GSKIP: variants seen among roughly 807,000 people sequenced by gnomAD.
GSKIP encodes the protein GSK3B interacting protein, also known as GSK3B-interacting protein.
Under a neutral mutation model 11.9 loss-of-function variants are expected in GSKIP, and 5 were observed. The ratio of observed to expected loss-of-function variants is 0.42; its 90% CI spans 0.22 to 0.89. GSKIP has a LOEUF of 0.89. Among genes scored for constraint, GSKIP ranks in the 40% least tolerant of loss-of-function variants. GSKIP has a pLI of 0.29. For synonymous variants in GSKIP, 70 were observed against 62.9 expected (o/e 1.11, Z -0.54); for missense variants, 150 against 166.6 (o/e 0.90, Z 0.55).
rs1343897589 is a variant in GSKIP at position 96,385,899 on chromosome 14, CATT to C, written c.*217_*219del. 4.3e-6 allele frequency: 2 copies of C among 470,028 alleles called. No individual in the cohort carries two copies. Among genetic ancestry groups the C allele is most frequent in the South Asian group, 5.2e-5 (2 of 38,748 alleles). The allele number at this position is 470,028 out of a possible 1,614,324, so 29.1% of individuals were successfully genotyped here. A position where few individuals can be genotyped will look rare whatever the true frequency, so the allele number is the denominator to read the frequency against. Reference sequence around the variant, plus strand: ...TCTGAGGCCGTTGCTATGATACCATCATTAAGACATTCACATGTCTTCATATAA... The same window carrying C: ...TCTGAGGCCGTTGCTATGATACCATCAAGACATTCACATGTCTTCATATAA... On this transcript the variant is annotated 3_prime_UTR_variant, in exon 4 of 4. Coordinates refer to ENST00000555181, the MANE Select transcript of GSKIP (RefSeq NM_016472.5).
intron 2 of GSKIP, among the ~76,000 whole-genome samples, chr14:96,381,388 T>C (rs938985709): frequency 6.6e-6 from 1 of 152,226 alleles, no homozygotes; most frequent in Non-Finnish European, 1.5e-5. Flanking sequence ...TGGCTATCCA[T>C]TTGGAAAATA....
At chr14:96,371,229 C>G (rs1301436388) in intron 1 of GSKIP, among the ~76,000 whole-genome samples, 6 of 152,092 alleles carry the variant, frequency 3.9e-5, no homozygotes, top group Non-Finnish European at 8.8e-5. Flanking sequence ...CAGATAAATT[C>G]AGAACTCTTG....
At chr14:96,374,989 TATG>T (rs1405589331) in intron 1 of GSKIP, among the ~76,000 whole-genome samples, 9 of 152,158 alleles carry the variant, frequency 5.9e-5, no homozygotes, top group South Asian at 2.1e-4. Context: ...ATAATAACAT[TATG>T]ATGAAGTTTA....
Position 96,378,859 on chromosome 14 carries a change from TGC to T in GSKIP, c.-102-828_-102-827del, listed in dbSNP as rs1889271964. 2.0e-5 allele frequency: 3 copies of T among 152,244 alleles called. 1 individual carries two copies. In the South Asian group the frequency reaches 6.2e-4, roughly 31 times the overall value. 9.4% of individuals were successfully genotyped at this position (152,244 alleles called of 1,614,324 possible). ...TTTGTTGGCTCCGATAACTGAAAAGTGCAAATCCTGGGAAACCAGCATGGGCT... is the reference window on the plus strand; with the variant it reads ...TTTGTTGGCTCCGATAACTGAAAAGTAAATCCTGGGAAACCAGCATGGGCT... On this transcript the variant is annotated intron_variant, in intron 1 of 3. Transcript: ENST00000555181.
chr14:96,384,767 C>A (rs1010200850), intron 3 of GSKIP: 1 of 151,980 alleles, frequency 6.6e-6, no homozygotes, highest in African/African-American at 2.4e-5. Flanking sequence ...CCATTAACTT[C>A]ACACATCGAC....
At position 96,365,613 on chromosome 14, in the gene GSKIP, T is replaced by G. The variant is rs375957695; in HGVS notation, c.-103+2045T>G. On this transcript the variant is annotated intron_variant, in intron 1 of 3. Transcript: ENST00000555181. ...TGGGAGGCCGAGGTGGGCGGATCAC[T>G]TGAGGTCAGGAGTTCAAGACTAGCA... Among the ~76,000 whole-genome samples the G allele has an allele frequency of 9.7e-3, 1,473 of 151,948 alleles. 37 individuals carry two copies. Among genetic ancestry groups the G allele is most frequent in the South Asian group, 0.042 (202 of 4,808 alleles).
intron 1 of GSKIP, among the ~76,000 whole-genome samples, chr14:96,366,291 C>T (rs1398421474): frequency 6.7e-6 from 1 of 148,530 alleles, no homozygotes. Context: ...TTTCCTTTTT[C>T]AATATAGAAT....
At position 96,385,559 on chromosome 14, in the gene GSKIP, T is replaced by C. The variant is rs1251698503; in HGVS notation, c.295T>C (p.Leu99=). The C allele has an allele frequency of 6.2e-7, 1 of 1,612,798 alleles. No individual in the cohort carries two copies. The highest frequency in any genetic ancestry group is 1.7e-5 in the Admixed American group (1 of 59,982). Residue 99 remains leucine (L), a synonymous_variant, in exon 4 of 4, where the codon TTA becomes CTA. Coordinates refer to ENST00000555181, the MANE Select transcript of GSKIP (RefSeq NM_016472.5). The part of the protein sequence containing the change: ...GYAFDQVDDH[L]QTPYHETVYS... The stretch of plus-strand genomic sequence containing the variant: ...TGCTTTTGACCAGGTAGATGATCAT[T>C]TACAGACTCCCTACCATGAAACAGT...
At chr14:96,368,007 G>A (rs1888939440) in intron 1 of GSKIP, among the ~76,000 whole-genome samples, 2 of 151,704 alleles carry the variant, frequency 1.3e-5, no homozygotes, top group African/African-American at 4.8e-5. Flanking sequence ...TTGTTAGAAT[G>A]TACTTTAAAT....
intron 3 of GSKIP, among the ~76,000 whole-genome samples, chr14:96,383,940 TAGA>T (rs1889416895): frequency 6.6e-6 from 1 of 152,112 alleles, no homozygotes; most frequent in African/African-American, 2.4e-5. Context: ...TGTGGAGAGG[TAGA>T]AGGAGTTCTG....
Position 96,381,980 on chromosome 14 carries a change from A to G in GSKIP, c.-1-267A>G, listed in dbSNP as rs116684520. Among the ~76,000 whole-genome samples, 956 of 152,336 alleles carry G rather than the reference A, an allele frequency of 6.3e-3. 14 individuals are homozygous for G. Among genetic ancestry groups the G allele is most frequent in the African/African-American group, 0.022 (905 of 41,572 alleles). On this transcript the variant is annotated intron_variant, in intron 2 of 3. Coordinates refer to ENST00000555181, the MANE Select transcript of GSKIP (RefSeq NM_016472.5). ...TTATTCAAAATAGCTAAAAAACACA[A>G]TATTCTAAATGCTTATCAATATGGA...
At position 96,385,569 on chromosome 14, in the gene GSKIP, C is replaced by A. The variant is rs1354192277; in HGVS notation, c.305C>A (p.Pro102His). 6.2e-7 allele frequency: 1 copy of A among 1,612,010 alleles called. No homozygotes were observed. Among genetic ancestry groups the A allele is most frequent in the African/African-American group, 1.3e-5 (1 of 74,710 alleles). ...FDQVDDHLQT[P>H]YHETVYSLLD... ...CAGGTAGATGATCATTTACAGACTC[C>A]CTACCATGAAACAGTCTACTCCTTG... The change falls in exon 4 of 4, where the codon CCC becomes CAC. Residue 102 changes from proline (P) to histidine (H), a missense_variant. Transcript: ENST00000555181.
rs564622725 is a variant in GSKIP, at chr14:96,365,843, A to G, written c.-103+2275A>G. ...AGTGAGACTCTATCTTAAAAAAATA[A>G]AAAGAACTTTGGCCTTTACTCTGGG... On this transcript the variant is annotated intron_variant, in intron 1 of 3. Coordinates refer to ENST00000555181, the MANE Select transcript of GSKIP (RefSeq NM_016472.5). 9.9e-5 allele frequency among the ~76,000 whole-genome samples: 15 copies of G among 152,038 alleles called. No homozygotes were observed. In the South Asian group the frequency reaches 2.9e-3, roughly 29 times the overall value.
rs188301635 is a variant in GSKIP, at chr14:96,378,070, T to C, written c.-102-1618T>C. On this transcript the variant is annotated intron_variant, in intron 1 of 3. Transcript: ENST00000555181. ...ATCAAATGTGTTCACTGAAAATAAA[T>C]TATGGCCAAGCGCAGTGGCTCACAC... Among the ~76,000 whole-genome samples, 20 of 152,260 alleles carry C rather than the reference T, an allele frequency of 1.3e-4. No homozygotes were observed. The East Asian group carries it at 3.1e-3, about 23-fold the overall frequency.
intron 3 of GSKIP, among the ~76,000 whole-genome samples, chr14:96,384,471 T>C (rs1238746257): frequency 6.6e-6 from 1 of 152,122 alleles, no homozygotes; most frequent in African/African-American, 2.4e-5. Flanking sequence ...CATAAAAATT[T>C]AGGATTTATA....
rs1303265554 is a variant in GSKIP at position 96,363,546 on chromosome 14, A to C, written c.-125A>C. Reference sequence around the variant, plus strand: ...GCTCCAGTCGCCTCCGGAGGAAGGAAGAAGAGGACGCCGGGCGCGCAGGTG... The same window carrying C: ...GCTCCAGTCGCCTCCGGAGGAAGGACGAAGAGGACGCCGGGCGCGCAGGTG... On this transcript the variant is annotated 5_prime_UTR_variant, in exon 1 of 4. Transcript: ENST00000555181. The C allele has an allele frequency of 1.3e-5, 2 of 150,312 alleles. No individual in the cohort carries two copies. Among genetic ancestry groups the C allele is most frequent in the African/African-American group, 2.4e-5 (1 of 41,266 alleles). 9.3% of individuals were successfully genotyped at this position (150,312 alleles called of 1,614,324 possible).
intron 1 of GSKIP, chr14:96,364,949 G>A (rs1371219398): frequency 2.6e-5 from 4 of 152,126 alleles, no homozygotes; most frequent in Non-Finnish European, 4.4e-5. Context: ...TACGAGCTAT[G>A]ATCATGCCAC....
At chr14:96,374,141 G>C (rs1357489398) in intron 1 of GSKIP, among the ~76,000 whole-genome samples, 2 of 152,050 alleles carry the variant, frequency 1.3e-5, no homozygotes, top group Admixed American at 1.3e-4. Flanking sequence ...ATTAAGCAAA[G>C]ACATGGAAAA....
chr14:96,373,769 C>T (rs575926326), intron 1 of GSKIP, among the ~76,000 whole-genome samples: 3 of 152,252 alleles, frequency 2.0e-5, no homozygotes, highest in East Asian at 1.9e-4. Context: ...AGAGATTAAA[C>T]GCAGATCTTG....
Sources: allele counts gnomAD v4.1 joint callset (sites outside exome capture counted in the v4.1 genomes callset), GRCh38; gene constraint gnomAD v4.1.1; transcripts MANE v1.5; gene names NCBI Gene and HGNC (gene_info 2026-07-23, HGNC 2026-07-21).